Variants in DLG1 observed in about 807,000 individuals in gnomAD.
DLG1 encodes discs large MAGUK scaffold protein 1.
A neutral mutation model predicts 123.4 loss-of-function variants in DLG1; 42 were observed. The observed-to-expected ratio is 0.34, with a 90% CI of 0.27 to 0.44. The LOEUF is 0.44. Ranked by LOEUF, DLG1 falls within the 20% of genes least tolerant of loss-of-function variation. The probability of loss-of-function intolerance (pLI) is 1.00; values close to 1 mark genes in which losing one functional copy is unlikely to be tolerated. For missense variants in DLG1, 942 were observed against 1,082.6 expected (o/e 0.87, Z 1.82); for synonymous variants, 317 against 356.2 (o/e 0.89, Z 1.24).
intron 4 of DLG1, 196 bp downstream of exon 4, chr3:197,282,483 A>T: frequency 2.7e-6 from 1 of 371,022 alleles, no homozygotes; most frequent in Non-Finnish European, 4.7e-6. Context: ...ATAACATTTT[A>T]AAACAGGGGC....
At chr3:197,233,183 C>T (rs1369642889) in intron 4 of DLG1, among the ~76,000 whole-genome samples, 1 of 151,844 alleles carries the variant, frequency 6.6e-6, no homozygotes, top group Non-Finnish European at 1.5e-5. Flanking sequence ...ATTCCATGCA[C>T]AAAAACATTT....
At chr3:197,076,912 AAAAAT>A (rs1227403283) in intron 17 of DLG1, among the ~76,000 whole-genome samples, 1 of 152,214 alleles carries the variant, frequency 6.6e-6, no homozygotes, top group Non-Finnish European at 1.5e-5. Context: ...ATTTATACCT[AAAAAT>A]AAAAATGCTA....
At chr3:197,270,948 T>C (rs1399917177) in intron 4 of DLG1, among the ~76,000 whole-genome samples, 1 of 152,096 alleles carries the variant, frequency 6.6e-6, no homozygotes, top group African/African-American at 2.4e-5. Context: ...ATAAAGAATG[T>C]GTGATAGTCT....
chr3:197,216,952 G>A (rs1457129675), intron 4 of DLG1, among the ~76,000 whole-genome samples: 2 of 152,140 alleles, frequency 1.3e-5, no homozygotes, highest in Non-Finnish European at 2.9e-5. Context: ...TAATGACAAT[G>A]GCGAATTTAA....
rs1325144338 is a variant in DLG1 at position 197,043,665 on chromosome 3, T to C, written c.*958A>G. 1 of 148,868 alleles carries C rather than the reference T, an allele frequency of 6.7e-6. No individual in the cohort carries two copies. Among genetic ancestry groups the C allele is most frequent in the Non-Finnish European group, 1.5e-5 (1 of 66,278 alleles). The allele number at this position is 148,868 out of a possible 1,614,324, so 9.2% of individuals were successfully genotyped here. A position where few individuals can be genotyped will look rare whatever the true frequency, so the allele number is the denominator to read the frequency against. ...AAAGAAAGTTTTATATATATATTTA[T>C]ATATATTTTATTATAACAAAATAGG... On this transcript the variant is annotated 3_prime_UTR_variant, in exon 25 of 25. Transcript: ENST00000667157.
chr3:197,182,758 AAATATTTAGAAATATG>A (rs1713132469), intron 5 of DLG1, among the ~76,000 whole-genome samples: 1 of 152,188 alleles, frequency 6.6e-6, no homozygotes, highest in Non-Finnish European at 1.5e-5. Flanking sequence ...GACTGCTTAA[AAATATTTAGAAATATG>A]AATATTTCCT....
intron 11 of DLG1, among the ~76,000 whole-genome samples, chr3:197,120,796 G>A (rs1775944141): frequency 6.6e-6 from 1 of 152,156 alleles, no homozygotes; most frequent in African/African-American, 2.4e-5. Context: ...CAGGTTTGCA[G>A]TATCCAACAG....
At chr3:197,282,887 C>A in intron 3 of DLG1, 42 bp from the exon 4 acceptor site, 1 of 1,268,330 alleles carries the variant, frequency 7.9e-7, no homozygotes, top group Non-Finnish European at 1.1e-6. Context: ...TTTATATTTT[C>A]TAACTAAATT....
chr3:197,202,945 G>A (rs148317081), intron 4 of DLG1, among the ~76,000 whole-genome samples: 66 of 152,312 alleles, frequency 4.3e-4, no homozygotes, highest in African/African-American at 1.5e-3. Flanking sequence ...TGACAGTGAA[G>A]TGGAAGGGAA....
At chr3:197,288,227 GGTGGCGCA>G (rs1302762994) in intron 3 of DLG1, among the ~76,000 whole-genome samples, 1 of 151,820 alleles carries the variant, frequency 6.6e-6, no homozygotes, top group Non-Finnish European at 1.5e-5. Flanking sequence ...AGCTAGGCGT[GGTGGCGCA>G]CGCCTGTAAT....
At chr3:197,163,438 AAC>A (rs1799650204) in intron 5 of DLG1, among the ~76,000 whole-genome samples, 1 of 152,152 alleles carries the variant, frequency 6.6e-6, no homozygotes. Context: ...CATCACACAC[AAC>A]AGTCAAAAGG....
intron 17 of DLG1, 74 bp from the exon 18 acceptor site, chr3:197,076,759 C>G (rs563822662): frequency 5.6e-6 from 6 of 1,069,560 alleles, no homozygotes; most frequent in Non-Finnish European, 8.5e-6. Context: ...CCTAGCAGCT[C>G]TGTGGAAGCT....
At chr3:197,273,000 C>T (rs925913502) in intron 4 of DLG1, among the ~76,000 whole-genome samples, 7 of 152,164 alleles carry the variant, frequency 4.6e-5, no homozygotes, top group Admixed American at 6.5e-5. Context: ...CCATCACTAT[C>T]TAATTCCAGA....
chr3:197,047,066 C>G (rs1289727759), intron 24 of DLG1, among the ~76,000 whole-genome samples: 1 of 152,062 alleles, frequency 6.6e-6, no homozygotes, highest in Non-Finnish European at 1.5e-5. Flanking sequence ...TCCGCTGGAT[C>G]CTGCACCAGA....
At chr3:197,116,441 T>G (rs965247712) in intron 12 of DLG1, among the ~76,000 whole-genome samples, 2 of 152,138 alleles carry the variant, frequency 1.3e-5, no homozygotes, top group African/African-American at 4.8e-5. Context: ...TGCCCCTACT[T>G]AGAAGTTTAA....
intron 4 of DLG1, among the ~76,000 whole-genome samples, chr3:197,256,355 T>C (rs2150915743): frequency 6.6e-6 from 1 of 152,386 alleles, no homozygotes; most frequent in East Asian, 1.9e-4. Flanking sequence ...CCACTGGCCA[T>C]AGTCTGCCAA....
chr3:197,258,987 CTT>C (rs1052001791), intron 4 of DLG1, among the ~76,000 whole-genome samples: 3 of 152,076 alleles, frequency 2.0e-5, no homozygotes, highest in Non-Finnish European at 2.9e-5. Context: ...AATAGACCCT[CTT>C]TTGCTAAAAG....
At chr3:197,288,743 A>AAAAAAAACATACATAC (rs1553827364) in intron 3 of DLG1, among the ~76,000 whole-genome samples, 3 of 72,078 alleles carry the variant, frequency 4.2e-5, no homozygotes, top group African/African-American at 7.3e-5. Context: ...AAAAAAAAAA[A>AAAAAAAACATACATAC]ATACATACAT....
intron 5 of DLG1, among the ~76,000 whole-genome samples, chr3:197,153,888 TGGA>T (rs1561082597): frequency 1.3e-5 from 2 of 152,008 alleles, no homozygotes; most frequent in African/African-American, 2.4e-5. Flanking sequence ...AAGAAAACCC[TGGA>T]GAAGAAGGAG....
Sources: gnomAD v4.1 joint callset for allele counts (sites outside exome capture counted in the v4.1 genomes callset) on GRCh38, gnomAD v4.1.1 for gene constraint, MANE v1.5 for transcripts, NCBI Gene and HGNC (gene_info 2026-07-23, HGNC 2026-07-21) for gene names.